The following MAPKAP1 variants were observed in gnomAD, a reference collection of about 807,000 sequenced individuals.
The protein encoded by MAPKAP1 is target of rapamycin complex 2 subunit MAPKAP1.
Under a neutral mutation model 65.7 loss-of-function variants are expected in MAPKAP1, and 20 were observed. The observed-to-expected ratio is 0.30, with a 90% CI of 0.21 to 0.44. The LOEUF is 0.44. Among genes scored for constraint, MAPKAP1 ranks in the 20% least tolerant of loss-of-function variants. The pLI is 1.00. For missense variants in MAPKAP1, 423 were observed against 648.0 expected (o/e 0.65, Z 3.77); for synonymous variants, 222 against 244.3 (o/e 0.91, Z 0.85).
At position 125,438,620 on chromosome 9, in the gene MAPKAP1, G is replaced by A. The variant is rs926906584; in HGVS notation, c.*267C>T. 3 of 457,302 alleles carry A rather than the reference G, an allele frequency of 6.6e-6. No individual in the cohort carries two copies. The highest frequency in any genetic ancestry group is 2.0e-5 in the African/African-American group (1 of 50,164). 28.3% of individuals were successfully genotyped at this position (457,302 alleles called of 1,614,324 possible). On this transcript the variant is annotated 3_prime_UTR_variant, in exon 12 of 12. Coordinates refer to ENST00000265960, the MANE Select transcript of MAPKAP1 (RefSeq NM_001006617.3). ...TGGCAGGCATTGAAGGTGGCTGGGC[G>A]GCACGTGGCTCCTCTAGGGGGTGGT...
chr9:125,672,585 G>T lies in MAPKAP1; in HGVS notation c.-11C>A, dbSNP rs761205462. The T allele has an allele frequency of 6.2e-7, 1 of 1,612,380 alleles. No homozygotes were observed. Among genetic ancestry groups the T allele is most frequent in the South Asian group, 1.1e-5 (1 of 91,006 alleles). ...GTCCAAGAAGGCCATCCTTTCTGTG[G>T]GCCAATTTCCTTAAAAGGCTATTTT... is the stretch of plus-strand genomic sequence containing the variant. On this transcript the variant is annotated 5_prime_UTR_variant, in exon 2 of 12. Coordinates refer to ENST00000265960, the MANE Select transcript of MAPKAP1 (RefSeq NM_001006617.3).
rs780814378 is a variant in MAPKAP1, at chr9:125,468,066, C to T, written c.1251G>A (p.Gln417=). The T allele has an allele frequency of 1.2e-6, 2 of 1,614,114 alleles. No homozygotes were observed. Among genetic ancestry groups the T allele is most frequent in the African/African-American group, 1.3e-5 (1 of 74,942 alleles). Residue 417 remains glutamine (Q), a synonymous_variant, in exon 10 of 12, where the codon CAG becomes CAA. Transcript: ENST00000265960. ...DKVEIDPVTN[Q]KASTKFWIKQ... ...TAATCCAAAACTTAGTGCTGGCTTT[C>T]TGATTCGTAACAGGGTCTATCTCTA...
chr9:125,637,300 A>T (rs1450648923), intron 4 of MAPKAP1, among the ~76,000 whole-genome samples: 2 of 152,078 alleles, frequency 1.3e-5, no homozygotes, highest in African/African-American at 4.8e-5. Flanking sequence ...TAAAAATAAA[A>T]AAAGTATAAT....
chr9:125,525,604 C>T (rs971469768), intron 7 of MAPKAP1, among the ~76,000 whole-genome samples: 12 of 151,578 alleles, frequency 7.9e-5, no homozygotes, highest in Admixed American at 2.0e-4. Flanking sequence ...ACCTGGGAGG[C>T]GGAGGTTGTG....
At chr9:125,487,901 C>A (rs191021804) in intron 8 of MAPKAP1, among the ~76,000 whole-genome samples, 1 of 152,174 alleles carries the variant, frequency 6.6e-6, no homozygotes, top group Admixed American at 6.5e-5. Context: ...CAAACAAGTG[C>A]CAGTTTTCAC....
intron 6 of MAPKAP1, among the ~76,000 whole-genome samples, chr9:125,553,232 T>C (rs760079204): frequency 6.6e-6 from 1 of 151,998 alleles, no homozygotes; most frequent in Non-Finnish European, 1.5e-5. Flanking sequence ...ATCAGACAAA[T>C]GTGAACAAGA....
intron 3 of MAPKAP1, among the ~76,000 whole-genome samples, chr9:125,663,060 A>C (rs1056518453): frequency 1.3e-5 from 2 of 152,212 alleles, no homozygotes; most frequent in African/African-American, 4.8e-5. Flanking sequence ...ATTTTCTACA[A>C]TAAAAAGTTT....
At chr9:125,550,904 G>A (rs1830563497) in intron 6 of MAPKAP1, among the ~76,000 whole-genome samples, 1 of 152,140 alleles carries the variant, frequency 6.6e-6, no homozygotes, top group East Asian at 1.9e-4. Flanking sequence ...TGTCAGGCCT[G>A]GTTACAAAGA....
chr9:125,464,433 C>A (rs1398142), intron 10 of MAPKAP1, among the ~76,000 whole-genome samples: 71,870 of 151,882 alleles, frequency 0.47, 17,926 homozygotes, highest in African/African-American at 0.64. Flanking sequence ...GGGAATCACT[C>A]ATTTGAATAA....
intron 7 of MAPKAP1, among the ~76,000 whole-genome samples, chr9:125,515,044 G>A (rs375734990): frequency 1.3e-4 from 20 of 151,968 alleles, no homozygotes; most frequent in African/African-American, 4.1e-4. Flanking sequence ...AGTGACAACC[G>A]CTGTAGCTTA....
intron 7 of MAPKAP1, among the ~76,000 whole-genome samples, chr9:125,536,585 T>TATTAATTCATTC (rs150930718): frequency 6.6e-6 from 1 of 151,612 alleles, no homozygotes; most frequent in South Asian, 2.1e-4. Flanking sequence ...ATTTTCCATT[T>TATTAATTCATTC]ATTCATTCAT....
chr9:125,570,311 T>C (rs930316905), intron 5 of MAPKAP1, among the ~76,000 whole-genome samples: 1 of 152,232 alleles, frequency 6.6e-6, no homozygotes, highest in Non-Finnish European at 1.5e-5. Flanking sequence ...AGGGAATTTA[T>C]GCACGAAAAG....
intron 8 of MAPKAP1, among the ~76,000 whole-genome samples, chr9:125,486,447 G>A (rs1018857228): frequency 5.9e-5 from 9 of 152,188 alleles, no homozygotes; most frequent in Non-Finnish European, 1.3e-4. Flanking sequence ...GAAACCTAGG[G>A]AGAACTCTAG....
intron 5 of MAPKAP1, among the ~76,000 whole-genome samples, chr9:125,580,995 T>C (rs1217318793): frequency 6.6e-6 from 1 of 152,284 alleles, no homozygotes; most frequent in Non-Finnish European, 1.5e-5. Context: ...TTGGTTTTTT[T>C]CACTACGTGA....
At chr9:125,570,755 CTAAAGGTT>C (rs1490067805) in intron 5 of MAPKAP1, among the ~76,000 whole-genome samples, 1 of 151,840 alleles carries the variant, frequency 6.6e-6, no homozygotes, top group African/African-American at 2.4e-5. Context: ...AAAAAAAAAT[CTAAAGGTT>C]TAAACAAGTT....
chr9:125,546,181 C>T (rs1333274539), intron 6 of MAPKAP1, among the ~76,000 whole-genome samples: 5 of 152,164 alleles, frequency 3.3e-5, no homozygotes, highest in African/African-American at 1.2e-4. Context: ...ACACGGCCCT[C>T]GGAATGGACC....
intron 4 of MAPKAP1, among the ~76,000 whole-genome samples, chr9:125,641,901 G>A (rs182295162): frequency 2.6e-5 from 4 of 151,878 alleles, no homozygotes; most frequent in African/African-American, 4.8e-5. Flanking sequence ...GCATGGTGGC[G>A]CATGCCTGTA....
At chr9:125,633,960 G>A (rs1287941360) in intron 4 of MAPKAP1, among the ~76,000 whole-genome samples, 10 of 152,236 alleles carry the variant, frequency 6.6e-5, no homozygotes, top group Non-Finnish European at 4.4e-5. Flanking sequence ...ACATTAATAT[G>A]CTGGAATCCG....
At chr9:125,687,144 A>G (rs1179427392) in intron 1 of MAPKAP1, among the ~76,000 whole-genome samples, 1 of 144,938 alleles carries the variant, frequency 6.9e-6, no homozygotes, top group African/African-American at 2.6e-5. Flanking sequence ...TTTTTTTTTA[A>G]TGCTAGTATA....
Sources: allele counts gnomAD v4.1 joint callset (sites outside exome capture counted in the v4.1 genomes callset), GRCh38; gene constraint gnomAD v4.1.1; transcripts MANE v1.5; gene names NCBI Gene and HGNC (gene_info 2026-07-23, HGNC 2026-07-21).